The following CSTF3 variants were observed in gnomAD, a reference collection of about 807,000 sequenced individuals.
CSTF3 encodes the protein cleavage stimulation factor subunit 3.
In CSTF3, 29 loss-of-function variants were observed where a neutral mutation model predicts 105.8. The observed-to-expected ratio is 0.27, with a 90% CI of 0.20 to 0.37. The LOEUF is 0.37. CSTF3 is among the 10% of genes least tolerant of loss of function. The probability of loss-of-function intolerance (pLI) is 1.00; values close to 1 mark genes in which losing one functional copy is unlikely to be tolerated. For synonymous variants in CSTF3, 252 were observed against 281.9 expected, an observed-to-expected ratio of 0.89 and a Z score of 1.06; for missense variants, 357 against 879.3, an observed-to-expected ratio of 0.41 and a Z score of 7.51.
At chr11:33,085,814 CAAGTT>C in intron 19 of CSTF3, 41 bp from the exon 20 acceptor site, 1 of 1,598,286 alleles carries the variant, frequency 6.3e-7, no homozygotes, top group Non-Finnish European at 8.6e-7. Context: ...AGTAATCTGA[CAAGTT>C]AAAGTAGTAG....
At position 33,096,952 on chromosome 11, in the gene CSTF3, T is replaced by C. The variant is rs764099409; in HGVS notation, c.1155A>G (p.Ala385=). 1.9e-6 allele frequency: 3 copies of C among 1,609,998 alleles called. No individual in the cohort carries two copies. The South Asian group carries it at 3.3e-5, about 18-fold the overall frequency. ...TLVYIQYMKF[A]RRAEGIKSGR... ...CAGATTTGATGCCTTCTGCTCTCCG[T>C]GCAAATTTCATATATTGGATATATA... Residue 385 remains alanine (A), a synonymous_variant, in exon 14 of 21, where the codon GCA becomes GCG. Coordinates refer to ENST00000323959, the MANE Select transcript of CSTF3 (RefSeq NM_001326.3).
chr11:33,105,836 T>C, intron 7 of CSTF3, 47 bp downstream of exon 7: 3 of 1,531,604 alleles, frequency 2.0e-6, no homozygotes, highest in Non-Finnish European at 2.7e-6. Flanking sequence ...AATTATATTT[T>C]AGCTAAATCA....
chr11:33,159,351 TTTGGAAGG>T (rs1193120782), intron 1 of CSTF3, among the ~76,000 whole-genome samples: 5 of 152,038 alleles, frequency 3.3e-5, no homozygotes, highest in Admixed American at 2.0e-4. Context: ...AATCCAGCAC[TTTGGAAGG>T]CAGAGGTAGG....
In CSTF3 at chr11:33,141,927, T is replaced by C; in HGVS notation, c.87A>G (p.Pro29=). 2.5e-6 allele frequency: 4 copies of C among 1,610,658 alleles called. No individual in the cohort carries two copies. Among genetic ancestry groups the C allele is most frequent in the Non-Finnish European group, 3.4e-6 (4 of 1,178,952 alleles). ...GAATGCTCCAAGCATCAAGGTCATA[T>C]GGATTCTCTTCTAATTTCTTTTCCG... ...KKAEKKLEEN[P]YDLDAWSILI... Residue 29 remains proline, a synonymous_variant, in exon 2 of 21, where the codon CCA becomes CCG. Transcript: ENST00000323959.
intron 1 of CSTF3, among the ~76,000 whole-genome samples, chr11:33,155,250 G>A (rs1057288832): frequency 2.0e-5 from 3 of 151,932 alleles, no homozygotes; most frequent in Non-Finnish European, 4.4e-5. Flanking sequence ...TATAGTCCCC[G>A]CTACTAGGGA....
chr11:33,099,773 C>T lies in CSTF3; in HGVS notation c.827-56G>A, dbSNP rs1855261528. 1 of 1,139,054 alleles carries T rather than the reference C, an allele frequency of 8.8e-7. No individual in the cohort carries two copies. The highest frequency in any genetic ancestry group is 2.7e-5 in the East Asian group (1 of 36,480). 70.6% of individuals were successfully genotyped at this position (1,139,054 alleles called of 1,614,324 possible). On this transcript the variant is annotated intron_variant, in intron 10 of 20. Transcript: ENST00000323959. This position sits in a 1 kb window ranked among gnomAD's most constrained non-coding sequence, Gnocchi z 4.1. ...ATTAAAATAATTATTATTTGTAAAA[C>T]TATCAATGTAAATATCATAACCAAA...
At position 33,141,733 on chromosome 11, in the gene CSTF3, A is replaced by C. The variant is rs1429687979; in HGVS notation, c.159T>G (p.Thr53=). 1 of 1,608,690 alleles carries C rather than the reference A, an allele frequency of 6.2e-7. No individual in the cohort carries two copies. Among genetic ancestry groups the C allele is most frequent in the Admixed American group, 1.7e-5 (1 of 58,484 alleles). Residue 53 remains threonine (T), a synonymous_variant, in exon 3 of 21, where the codon ACT becomes ACG. Coordinates refer to ENST00000323959, the MANE Select transcript of CSTF3 (RefSeq NM_001326.3). The stretch of plus-strand genomic sequence containing the variant: ...GGAACTGGGCAACAAGGCGTTCATA[A>C]GTCTTCCGTGCTTTGTCTATAGGTT... ...QNQPIDKARK[T]YERLVAQFPS...
At chr11:33,089,368 C>T (rs1855143282) in intron 17 of CSTF3, among the ~76,000 whole-genome samples, 1 of 148,512 alleles carries the variant, frequency 6.7e-6, no homozygotes, top group Non-Finnish European at 1.5e-5. Context: ...AAGACAGAAA[C>T]GATGTATAGG....
At chr11:33,093,187 G>T (rs1855186236) in intron 15 of CSTF3, among the ~76,000 whole-genome samples, 1 of 152,040 alleles carries the variant, frequency 6.6e-6, no homozygotes, top group Non-Finnish European at 1.5e-5. Flanking sequence ...ATAAAACCAA[G>T]AAATTAAATA....
intron 5 of CSTF3, among the ~76,000 whole-genome samples, chr11:33,106,683 G>C (rs1227484693): frequency 6.6e-6 from 1 of 152,086 alleles, no homozygotes; most frequent in Admixed American, 6.5e-5. Context: ...AGTATATAAA[G>C]TCGTTCTTTG....
chr11:33,098,836 C>T, intron 12 of CSTF3, 72 bp from the exon 13 acceptor site: 1 of 1,288,974 alleles, frequency 7.8e-7, no homozygotes, highest in East Asian at 2.5e-5. Flanking sequence ...CCAAGGAATC[C>T]AAAGGCTATA....
chr11:33,085,906 TAGG>T lies in CSTF3; in HGVS notation c.1876_1878del (p.Pro626del). On this transcript the variant is annotated inframe_deletion, in exon 19 of 21. Coordinates refer to ENST00000323959, the MANE Select transcript of CSTF3 (RefSeq NM_001326.3). ...ATAAGTGAACAAACCTGGAAACAGA[TAGG>T]AGGAGGGAGAAGTTTCATTAAAACA... 6.4e-7 allele frequency: 1 copy of T among 1,565,312 alleles called. No individual in the cohort carries two copies. The highest frequency in any genetic ancestry group is 8.6e-7 in the Non-Finnish European group (1 of 1,158,464).
At chr11:33,159,716 T>A (rs966071829) in intron 1 of CSTF3, among the ~76,000 whole-genome samples, 1 of 150,782 alleles carries the variant, frequency 6.6e-6, no homozygotes, top group Non-Finnish European at 1.5e-5. Context: ...GAAGCTATGG[T>A]GAGCTGTGAT....
At chr11:33,093,269 T>A (rs1376970120) in intron 15 of CSTF3, among the ~76,000 whole-genome samples, 2 of 152,226 alleles carry the variant, frequency 1.3e-5, no homozygotes, top group East Asian at 3.8e-4. Context: ...CTTTAAAAAA[T>A]GTTAAACAAA....
At chr11:33,120,071 C>A (rs1379231300) in intron 3 of CSTF3, among the ~76,000 whole-genome samples, 1 of 151,510 alleles carries the variant, frequency 6.6e-6, no homozygotes, top group Non-Finnish European at 1.5e-5. Context: ...TCTAAAAGGT[C>A]AATCTAAAGA....
intron 3 of CSTF3, among the ~76,000 whole-genome samples, chr11:33,136,601 A>G (rs2133795800): frequency 6.6e-6 from 1 of 152,106 alleles, no homozygotes; most frequent in Middle Eastern, 3.4e-3. Context: ...TGTTTTATAA[A>G]GGAAAGTCAA....
At chr11:33,135,625 T>C (rs1020355323) in intron 3 of CSTF3, among the ~76,000 whole-genome samples, 4 of 152,172 alleles carry the variant, frequency 2.6e-5, no homozygotes, top group African/African-American at 9.6e-5. Context: ...GCTAAACTAA[T>C]TCATCTTCCA....
intron 7 of CSTF3, 21 bp downstream of exon 7, chr11:33,105,862 A>C: frequency 2.6e-6 from 4 of 1,555,170 alleles, no homozygotes; most frequent in Non-Finnish European, 3.5e-6. Flanking sequence ...AGATGTAAAA[A>C]AAAACTATAC....
chr11:33,104,121 C>T (rs1855305232), intron 8 of CSTF3, among the ~76,000 whole-genome samples: 2 of 152,334 alleles, frequency 1.3e-5, no homozygotes, highest in South Asian at 4.1e-4. Flanking sequence ...GCCATCACAC[C>T]TGGCTAATAG....
Sources: gnomAD v4.1 joint callset for allele counts (sites outside exome capture counted in the v4.1 genomes callset) on GRCh38, gnomAD v4.1.1 for gene constraint, Gnocchi (gnomAD v3.1) non-coding constraint, MANE v1.5 for transcripts, NCBI Gene and HGNC (gene_info 2026-07-23, HGNC 2026-07-21) for gene names.